MACC1: variants seen among roughly 807,000 people sequenced by gnomAD.
The protein encoded by MACC1 is MET transcriptional regulator MACC1.
MACC1 carries 79 observed loss-of-function variants against 70.7 expected under a neutral mutation model. The observed-to-expected ratio is 1.12, with a 90% confidence interval of 0.93 to 1.35. The LOEUF is 1.35. MACC1 is among the 40% of genes most tolerant of loss of function. The pLI, the probability that MACC1 is intolerant of heterozygous loss-of-function variation, is 0.00. For synonymous variants in MACC1, 361 were observed against 347.2 expected (o/e 1.04, Z -0.44); for missense variants, 1,106 against 978.1 (o/e 1.13, Z -1.74).
At chr7:20,166,705 A>G (rs1043416853) in intron 2 of MACC1, among the ~76,000 whole-genome samples, 16 of 152,220 alleles carry the variant, frequency 1.1e-4, no homozygotes, top group African/African-American at 3.6e-4. Flanking sequence ...TTAGAAATCC[A>G]TAATAATTTC....
At chr7:20,158,123 TCTCAC>T in intron 5 of MACC1, 76 bp downstream of exon 5, 1 of 1,453,976 alleles carries the variant, frequency 6.9e-7, no homozygotes, top group Non-Finnish European at 9.1e-7. Context: ...ACATTTCTCC[TCTCAC>T]ATGTTCAGTT....
intron 1 of MACC1, among the ~76,000 whole-genome samples, chr7:20,189,393 T>C (rs569565515): frequency 7.2e-5 from 11 of 152,210 alleles, no homozygotes; most frequent in East Asian, 5.8e-4. Flanking sequence ...TTCTAGCACA[T>C]AGTAGGTGCT....
intron 6 of MACC1, among the ~76,000 whole-genome samples, chr7:20,145,362 A>G (rs1395302395): frequency 6.6e-6 from 1 of 152,170 alleles, no homozygotes; most frequent in African/African-American, 2.4e-5. Flanking sequence ...ACAAACAGGT[A>G]TCAAAGAAAT....
At chr7:20,147,521 T>C (rs1332595328) in intron 6 of MACC1, 1 of 152,186 alleles carries the variant, frequency 6.6e-6, no homozygotes, top group Non-Finnish European at 1.5e-5. Flanking sequence ...CCTCAGTACA[T>C]CATTTACAAT....
Position 20,145,724 on chromosome 7 carries a change from TA to T in MACC1, c.2347-4567del, listed in dbSNP as rs1583379545. ...AAATACAAAAGGATGTTAAAATCAT[TA>T]TGGAGTTAGGGCACAAAATTAGAGG... On this transcript the variant is annotated intron_variant, in intron 6 of 6. Transcript: ENST00000400331. 2.0e-5 allele frequency among the ~76,000 whole-genome samples: 3 copies of T among 152,194 alleles called. No homozygotes were observed. In the East Asian group the frequency reaches 5.8e-4, roughly 29 times the overall value.
chr7:20,159,339 C>T lies in MACC1; in HGVS notation c.1022G>A (p.Ser341Asn). The T allele has an allele frequency of 1.2e-6, 2 of 1,614,100 alleles. No individual in the cohort carries two copies. Among genetic ancestry groups the T allele is most frequent in the Non-Finnish European group, 1.7e-6 (2 of 1,180,018 alleles). ...AGCAACCACTAGATACATTACCTGACTCAAGTCGATTAGCTTGACTTGGAT... is the reference window on the plus strand; with the variant it reads ...AGCAACCACTAGATACATTACCTGATTCAAGTCGATTAGCTTGACTTGGAT... Reference protein sequence around the residue: ...DTIQVKLIDLSQVMYLVVAAQ... With the variant: ...DTIQVKLIDLNQVMYLVVAAQ... The change falls in exon 5 of 7, where the codon AGT (serine) becomes AAT (asparagine). Residue 341 changes from serine (S) to asparagine (N), a missense_variant. Ser to Asn is a conservative substitution (Grantham distance 46). Transcript: ENST00000400331.
rs181324523 is a variant in MACC1 at position 20,187,610 on chromosome 7, G to A, written c.-217-16832C>T. Among the ~76,000 whole-genome samples, 571 of 152,250 alleles carry A rather than the reference G, an allele frequency of 3.8e-3. 6 individuals are homozygous for A. Among genetic ancestry groups the A allele is most frequent in the African/African-American group, 0.013 (546 of 41,546 alleles). On this transcript the variant is annotated intron_variant, in intron 1 of 6. Transcript: ENST00000400331. ...CTAATGGAACTACACTTAAGACCTT[G>A]GTGAAATTGAACACTCTGCCCAATT...
At chr7:20,204,194 G>A (rs1448680781) in intron 1 of MACC1, among the ~76,000 whole-genome samples, 1 of 151,938 alleles carries the variant, frequency 6.6e-6, no homozygotes, top group Non-Finnish European at 1.5e-5. Context: ...TTGCTCTGTT[G>A]CACAGGCTGG....
Position 20,165,420 on chromosome 7 carries a change from C to G in MACC1, c.-152-1021G>C, listed in dbSNP as rs61668370. On this transcript the variant is annotated intron_variant, in intron 2 of 6. Transcript: ENST00000400331. ...GGTTTCCCTAGCCACTCTCACTATC[C>G]CACAACAAATCCTCTCTCTCATAAT... Among the ~76,000 whole-genome samples the G allele has an allele frequency of 8.4e-3, 1,277 of 152,132 alleles. 8 individuals are homozygous for G. The highest frequency in any genetic ancestry group is 0.014 in the Non-Finnish European group (944 of 68,002).
At position 20,158,478 on chromosome 7, in the gene MACC1, C is replaced by A. The variant is rs770337523; in HGVS notation, c.1883G>T (p.Ser628Ile). ...AAGAAGATTTCTGGTTGTAAAGACA[C>A]TATCTGACATAAACATTACTTGCTC... ...SKEQVMFMSD[S>I]VFTTRNLLEQ... Residue 628 changes from serine to isoleucine, a missense_variant, in exon 5 of 7, where the codon AGT becomes ATT. Ser to Ile is a moderately radical substitution (Grantham distance 142). Transcript: ENST00000400331. 6.2e-7 allele frequency: 1 copy of A among 1,613,890 alleles called. No homozygotes were observed. Among genetic ancestry groups the A allele is most frequent in the East Asian group, 2.2e-5 (1 of 44,878 alleles).
At chr7:20,151,819 G>A (rs1781982790) in intron 6 of MACC1, among the ~76,000 whole-genome samples, 1 of 152,124 alleles carries the variant, frequency 6.6e-6, no homozygotes, top group African/African-American at 2.4e-5. Flanking sequence ...AATGAAACAA[G>A]TTGCTTAACC....
rs909034291 is a variant in MACC1, at chr7:20,136,571, T to A, written c.*4375A>T. On this transcript the variant is annotated 3_prime_UTR_variant, in exon 7 of 7. Transcript: ENST00000400331. ...TATGTGTACAAATTCAACTTTCCTATGTATATGTGGTCACTTTATTTTGTG... is the reference window on the plus strand; with the variant it reads ...TATGTGTACAAATTCAACTTTCCTAAGTATATGTGGTCACTTTATTTTGTG... 1 of 152,236 alleles carries A rather than the reference T, an allele frequency of 6.6e-6. No individual in the cohort carries two copies. The highest frequency in any genetic ancestry group is 2.4e-5 in the African/African-American group (1 of 41,468). 9.4% of individuals were successfully genotyped at this position (152,236 alleles called of 1,614,324 possible). A position where few individuals can be genotyped will look rare whatever the true frequency, so the allele number is the denominator to read the frequency against.
intron 1 of MACC1, among the ~76,000 whole-genome samples, chr7:20,209,333 T>G (rs982937238): frequency 5.0e-4 from 76 of 152,358 alleles, no homozygotes; most frequent in African/African-American, 1.6e-3. Context: ...GGCTGTACCC[T>G]GCAAAACCAC....
At chr7:20,212,872 T>A (rs980470313) in intron 1 of MACC1, among the ~76,000 whole-genome samples, 1 of 151,974 alleles carries the variant, frequency 6.6e-6, no homozygotes, top group Admixed American at 6.6e-5. Context: ...CCCAGGGAGT[T>A]TTCAAATTTC....
chr7:20,187,486 C>T (rs900845313), intron 1 of MACC1, among the ~76,000 whole-genome samples: 2 of 152,144 alleles, frequency 1.3e-5, no homozygotes, highest in Non-Finnish European at 2.9e-5. Context: ...TCCCACAAGC[C>T]TTCTCCCTCT....
chr7:20,196,757 C>T (rs558737647), intron 1 of MACC1, among the ~76,000 whole-genome samples: 1 of 151,904 alleles, frequency 6.6e-6, no homozygotes, highest in South Asian at 2.1e-4. Context: ...CATGGAGAAC[C>T]GGTTTTCTCA....
intron 6 of MACC1, among the ~76,000 whole-genome samples, chr7:20,148,916 T>C (rs755135691): frequency 2.0e-5 from 3 of 152,216 alleles, no homozygotes; most frequent in Non-Finnish European, 2.9e-5. Flanking sequence ...TAAGAAATTA[T>C]AAATATATTT....
chr7:20,156,361 A>G (rs1303307236), intron 5 of MACC1, among the ~76,000 whole-genome samples: 1 of 152,182 alleles, frequency 6.6e-6, no homozygotes, highest in Non-Finnish European at 1.5e-5. Context: ...AGATTTTCTA[A>G]TTAGCCGCTT....
rs528710344 is a variant in MACC1, at chr7:20,205,181, T to C, written c.-218+12118A>G. On this transcript the variant is annotated intron_variant, in intron 1 of 6. Coordinates refer to ENST00000400331, the MANE Select transcript of MACC1 (RefSeq NM_182762.4). ...GTCAAAACAGATTAGTTTTTAGCAA[T>C]GTGCCTTGATCATCAACTTTTTGCT... Among the ~76,000 whole-genome samples, 9 of 152,318 alleles carry C rather than the reference T, an allele frequency of 5.9e-5. No individual in the cohort carries two copies. In the South Asian group the frequency reaches 1.9e-3, roughly 32 times the overall value.
Sources: gnomAD v4.1 joint callset for allele counts (sites outside exome capture counted in the v4.1 genomes callset) on GRCh38, gnomAD v4.1.1 for gene constraint, MANE v1.5 for transcripts, NCBI Gene and HGNC (gene_info 2026-07-23, HGNC 2026-07-21) for gene names.